The following OR14A2 variants were observed in gnomAD, a reference collection of about 807,000 sequenced individuals.
OR14A2 encodes the protein olfactory receptor 14A2.
For missense variants in OR14A2, 237 were observed against 152.9 expected (o/e 1.55, Z -2.90); for synonymous variants, 114 against 58.6 (o/e 1.95, Z -4.32).
the OR14A2 span, among the ~76,000 whole-genome samples, chr1:247,741,711 A>C: frequency 1.3e-5 from 2 of 152,350 alleles, no homozygotes; most frequent in East Asian, 3.9e-4. Context: ...TTCAAACCAA[A>C]GAAAGCTGTA....
chr1:247,746,679 T>C, the OR14A2 span: 2 of 152,196 alleles, frequency 1.3e-5, no homozygotes, highest in African/African-American at 4.8e-5. Context: ...AGGGTTTGTT[T>C]TGAGCATTGA....
the OR14A2 span, among the ~76,000 whole-genome samples, chr1:247,745,348 T>C: frequency 1.2e-3 from 186 of 151,138 alleles, 4 homozygotes; most frequent in South Asian, 0.037. Context: ...TTTAAAATAC[T>C]CCTGCTGAGT....
At chr1:247,737,760 T>C in the OR14A2 span, among the ~76,000 whole-genome samples, 126 of 152,182 alleles carry the variant, frequency 8.3e-4, no homozygotes, top group African/African-American at 2.9e-3. Flanking sequence ...GCCAAAACTC[T>C]CCCTCACGTT....
chr1:247,740,473 T>C, the OR14A2 span, among the ~76,000 whole-genome samples: 30 of 152,330 alleles, frequency 2.0e-4, no homozygotes, highest in Non-Finnish European at 5.9e-5. Flanking sequence ...GATTTTCTCA[T>C]GTCTTTTTAA....
the OR14A2 span, chr1:247,738,713 C>T: frequency 1.3e-6 from 1 of 780,810 alleles, no homozygotes; most frequent in South Asian, 1.3e-5. Flanking sequence ...CACTGATCTA[C>T]CTCACGGCTG....
chr1:247,746,993 T>A, the OR14A2 span: 1 of 152,338 alleles, frequency 6.6e-6, no homozygotes, highest in Admixed American at 6.5e-5. Context: ...ACAGTTTACA[T>A]CAAAATTATT....
chr1:247,739,339 A>G, the OR14A2 span: 1 of 780,710 alleles, frequency 1.3e-6, no homozygotes, highest in East Asian at 2.4e-5. Context: ...TGTGTGCCTC[A>G]CCTCATTGTT....
the OR14A2 span, among the ~76,000 whole-genome samples, chr1:247,732,889 T>C: frequency 6.6e-6 from 1 of 152,048 alleles, no homozygotes; most frequent in East Asian, 1.9e-4. Flanking sequence ...AGGCAGGATA[T>C]GTTTGTAGTA....
chr1:247,730,232 A>G, the OR14A2 span, among the ~76,000 whole-genome samples: 2 of 152,172 alleles, frequency 1.3e-5, no homozygotes, highest in Admixed American at 1.3e-4. Flanking sequence ...AGGCTGTGAC[A>G]GTTAGCTCAA....
the OR14A2 span, among the ~76,000 whole-genome samples, chr1:247,731,640 C>G: frequency 6.6e-6 from 1 of 151,904 alleles, no homozygotes; most frequent in Non-Finnish European, 1.5e-5. Context: ...TACTTACTCC[C>G]TCAGTAAAAT....
chr1:247,737,798 A>G, the OR14A2 span, among the ~76,000 whole-genome samples: 2 of 152,092 alleles, frequency 1.3e-5, no homozygotes, highest in South Asian at 2.1e-4. Flanking sequence ...TCAGATGACA[A>G]TCTCTGAATG....
chr1:247,747,974 T>C, the OR14A2 span, among the ~76,000 whole-genome samples: 3 of 152,170 alleles, frequency 2.0e-5, no homozygotes, highest in Admixed American at 6.5e-5. Flanking sequence ...CTAAGCATGC[T>C]ATAAGCCAGG....
the OR14A2 span, among the ~76,000 whole-genome samples, chr1:247,744,282 A>G: frequency 1.3e-5 from 2 of 152,222 alleles, no homozygotes; most frequent in Non-Finnish European, 2.9e-5. This position sits in a 1 kb window ranked among gnomAD's most constrained non-coding sequence, Gnocchi z 4.3. Context: ...TCACACATAT[A>G]CATGTGATAG....
the OR14A2 span, among the ~76,000 whole-genome samples, chr1:247,731,501 A>T: frequency 6.6e-6 from 1 of 151,952 alleles, no homozygotes. Context: ...TTGTACCTAC[A>T]GATTTCTATT....
chr1:247,747,421 G>A, the OR14A2 span, among the ~76,000 whole-genome samples: 3 of 150,402 alleles, frequency 2.0e-5, no homozygotes, highest in Non-Finnish European at 4.4e-5. Flanking sequence ...GAGTGCAATG[G>A]CGTGACCTCA....
the OR14A2 span, chr1:247,739,184 A>G: frequency 1.3e-6 from 1 of 780,836 alleles, no homozygotes; most frequent in Non-Finnish European, 2.4e-6. Context: ...GTTCTAAAGA[A>G]CATGCCATCA....
chr1:247,723,682 T>C (rs1232268727), exon 1 of OR14A2: 11 of 718,562 alleles, frequency 1.5e-5, no homozygotes, highest in Middle Eastern at 2.3e-4. Flanking sequence ...GATGGCTACA[T>C]AGCGGTCATA....
chr1:247,746,565 G>A, the OR14A2 span: 4 of 152,230 alleles, frequency 2.6e-5, no homozygotes, highest in Non-Finnish European at 4.4e-5. Flanking sequence ...GAAGCCTATG[G>A]AATGAGGCCA....
chr1:247,729,474 A>G, the OR14A2 span, among the ~76,000 whole-genome samples: 1 of 152,102 alleles, frequency 6.6e-6, no homozygotes, highest in Non-Finnish European at 1.5e-5. Context: ...ACATACAACA[A>G]GCCAACATAA....
Sources: gnomAD v4.1 joint callset for allele counts (sites outside exome capture counted in the v4.1 genomes callset) on GRCh38, gnomAD v4.1.1 for gene constraint, Gnocchi (gnomAD v3.1) non-coding constraint, MANE v1.5 for transcripts, NCBI Gene and HGNC (gene_info 2026-07-23, HGNC 2026-07-21) for gene names.